Variants in PCDH15 observed in about 807,000 individuals in gnomAD.
PCDH15 encodes protocadherin related 15.
A neutral mutation model predicts 178.5 loss-of-function variants in PCDH15; 129 were observed. The ratio of observed to expected loss-of-function variants is 0.72; its 90% CI spans 0.63 to 0.84. The LOEUF (loss-of-function observed/expected upper bound fraction) is 0.84. Ranked by LOEUF, PCDH15 falls within the 40% of genes least tolerant of loss-of-function variation. The pLI is 0.00. For synonymous variants in PCDH15, 800 were observed against 732.0 expected, an observed-to-expected ratio of 1.09 and a Z score of -1.50; for missense variants, 2,230 against 2,099.9, an observed-to-expected ratio of 1.06 and a Z score of -1.21.
chr10:54,052,869 T>C (rs985259663), intron 18 of PCDH15, among the ~76,000 whole-genome samples: 9 of 152,126 alleles, frequency 5.9e-5, no homozygotes, highest in African/African-American at 1.9e-4. Flanking sequence ...ATTACCTCCA[T>C]GCTGTTCTCA....
intron 2 of PCDH15, chr10:54,575,123 G>A (rs1277813548): frequency 3.6e-5 from 5 of 137,586 alleles, no homozygotes; most frequent in African/African-American, 8.2e-5. Context: ...ACACAGGAAA[G>A]GGAATATCAC....
At chr10:55,408,401 G>C (rs1838254991) in intron 2 of PCDH15, among the ~76,000 whole-genome samples, 2 of 151,912 alleles carry the variant, frequency 1.3e-5, no homozygotes, top group Non-Finnish European at 2.9e-5. Context: ...GTCCAGGCTG[G>C]TCTTGAACTC....
At chr10:55,573,959 GTCA>G (rs1215952954) in intron 2 of PCDH15, among the ~76,000 whole-genome samples, 1 of 151,694 alleles carries the variant, frequency 6.6e-6, no homozygotes, top group Non-Finnish European at 1.5e-5. Flanking sequence ...AACATGCTAG[GTCA>G]TAGTGTGGTA....
intron 2 of PCDH15, among the ~76,000 whole-genome samples, chr10:55,556,064 T>C (rs1407049199): frequency 6.6e-6 from 1 of 152,166 alleles, no homozygotes; most frequent in African/African-American, 2.4e-5. Flanking sequence ...TCTGACACTT[T>C]TTCTTTTTCT....
rs377426567 is a variant in PCDH15, at chr10:54,901,082, G to A, written c.-79-3582C>T. On this transcript the variant is annotated intron_variant, in intron 2 of 5. Coordinates refer to the PCDH15 transcript ENST00000458638. ...CAATCCCAACATTTTGGAAGGCCGAGGCAGGTGTATCACTTGAGCTCAGAA... is the reference window on the plus strand; with the variant it reads ...CAATCCCAACATTTTGGAAGGCCGAAGCAGGTGTATCACTTGAGCTCAGAA... Among the ~76,000 whole-genome samples the A allele has an allele frequency of 2.7e-4, 40 of 148,922 alleles. No individual in the cohort carries two copies. The East Asian group carries it at 6.7e-3, about 25-fold the overall frequency.
At chr10:54,334,615 GT>G (rs1362088218) in intron 6 of PCDH15, among the ~76,000 whole-genome samples, 5 of 151,798 alleles carry the variant, frequency 3.3e-5, no homozygotes, top group Non-Finnish European at 2.9e-5. Flanking sequence ...TGTAAGCATT[GT>G]TTGTAATATT....
chr10:55,532,016 T>A (rs967593342), intron 2 of PCDH15, among the ~76,000 whole-genome samples: 2 of 152,058 alleles, frequency 1.3e-5, no homozygotes, highest in Non-Finnish European at 2.9e-5. Context: ...AAAGATCTGA[T>A]CTTTGTAAGT....
At chr10:54,468,713 C>A (rs143103935) in intron 3 of PCDH15, among the ~76,000 whole-genome samples, 14 of 152,176 alleles carry the variant, frequency 9.2e-5, no homozygotes, top group Admixed American at 2.0e-4. Flanking sequence ...ATGTTTTTGT[C>A]AAGATGATCT....
chr10:54,512,571 T>C (rs543563748), intron 3 of PCDH15, among the ~76,000 whole-genome samples: 6 of 152,256 alleles, frequency 3.9e-5, no homozygotes, highest in African/African-American at 1.4e-4. Flanking sequence ...AAACTAGAAA[T>C]GTCAAATGGC....
At chr10:53,920,325 A>G (rs917398507) in intron 25 of PCDH15, among the ~76,000 whole-genome samples, 1 of 152,108 alleles carries the variant, frequency 6.6e-6, no homozygotes, top group Non-Finnish European at 1.5e-5. Context: ...CATATATTCT[A>G]TTTTCAAAAC....
chr10:55,550,118 C>A (rs1424139780), intron 2 of PCDH15, among the ~76,000 whole-genome samples: 1 of 151,976 alleles, frequency 6.6e-6, no homozygotes, highest in Non-Finnish European at 1.5e-5. Context: ...CTCTTCATGT[C>A]TTGTGCAATG....
At chr10:55,612,023 C>T (rs993595593) in intron 2 of PCDH15, among the ~76,000 whole-genome samples, 9 of 151,710 alleles carry the variant, frequency 5.9e-5, no homozygotes, top group East Asian at 5.8e-4. Flanking sequence ...CTGGAGGAGG[C>T]GGGATAGACA....
At chr10:55,429,101 A>G (rs1490617560) in intron 2 of PCDH15, among the ~76,000 whole-genome samples, 2 of 152,086 alleles carry the variant, frequency 1.3e-5, no homozygotes, top group African/African-American at 4.8e-5. Context: ...ACAAACAGGC[A>G]ATTATCCTTT....
chr10:54,504,790 T>C (rs2081028137), intron 3 of PCDH15, among the ~76,000 whole-genome samples: 1 of 152,086 alleles, frequency 6.6e-6, no homozygotes, highest in Non-Finnish European at 1.5e-5. Flanking sequence ...AGAAAGATCT[T>C]GGATGTTTGA....
At chr10:53,959,192 C>T (rs2087990161) in intron 23 of PCDH15, among the ~76,000 whole-genome samples, 1 of 146,960 alleles carries the variant, frequency 6.8e-6, no homozygotes, top group African/African-American at 2.5e-5. Context: ...TATATATATA[C>T]ACACAGTATA....
At chr10:54,798,242 C>T (rs1591690548) in intron 1 of PCDH15, among the ~76,000 whole-genome samples, 1 of 151,880 alleles carries the variant, frequency 6.6e-6, no homozygotes, top group Non-Finnish European at 1.5e-5. Context: ...ACCACACTTC[C>T]TTCCAATACC....
rs568879218 is a variant in PCDH15, at chr10:55,493,181, C to T, written c.-156+134444G>A. ...CCAAATTTGGGAAAAAATCTTAACA[C>T]ATCCAAGAAGCACAATGAACACTAG... On this transcript the variant is annotated intron_variant, in intron 2 of 5. Transcript: ENST00000613346. Among the ~76,000 whole-genome samples, 7 of 151,520 alleles carry T rather than the reference C, an allele frequency of 4.6e-5. No homozygotes were observed. In the South Asian group the frequency reaches 1.5e-3, roughly 32 times the overall value.
At chr10:55,613,924 T>C (rs185335814) in intron 2 of PCDH15, among the ~76,000 whole-genome samples, 2 of 151,920 alleles carry the variant, frequency 1.3e-5, no homozygotes, top group Admixed American at 6.6e-5. Context: ...CTGGCTAACA[T>C]GGTGAAAACC....
At chr10:55,559,370 A>C (rs1199956291) in intron 2 of PCDH15, among the ~76,000 whole-genome samples, 1 of 152,028 alleles carries the variant, frequency 6.6e-6, no homozygotes, top group Non-Finnish European at 1.5e-5. Context: ...ACAGTGTAGT[A>C]GAGTTTTATT....
Sources: allele counts gnomAD v4.1 joint callset (sites outside exome capture counted in the v4.1 genomes callset), GRCh38; gene constraint gnomAD v4.1.1; transcripts MANE v1.5; gene names NCBI Gene and HGNC (gene_info 2026-07-23, HGNC 2026-07-21).